ZGRF1: variants seen among roughly 807,000 people sequenced by gnomAD.
The protein encoded by ZGRF1 is 5'-3' DNA helicase ZGRF1.
ZGRF1 carries 196 observed loss-of-function variants against 203.5 expected under a neutral mutation model. That is an observed-to-expected ratio of 0.96 (90% CI 0.86 to 1.08). The LOEUF (loss-of-function observed/expected upper bound fraction) is 1.08, where lower values mean the gene tolerates loss of function less well. ZGRF1 is among the 50% of genes least tolerant of loss of function. The pLI, the probability that ZGRF1 is intolerant of heterozygous loss-of-function variation, is 0.00. For synonymous variants in ZGRF1, 809 were observed against 841.3 expected, an observed-to-expected ratio of 0.96 and a Z score of 0.66; for missense variants, 2,326 against 2,416.3, an observed-to-expected ratio of 0.96 and a Z score of 0.78.
chr4:112,551,056 G>A (rs982478842), intron 22 of ZGRF1, among the ~76,000 whole-genome samples: 2 of 152,042 alleles, frequency 1.3e-5, no homozygotes, highest in Non-Finnish European at 2.9e-5. Context: ...AAACTTTGTG[G>A]TTATTATTTC....
chr4:112,542,027 C>T (rs985106293), intron 24 of ZGRF1, among the ~76,000 whole-genome samples: 3 of 152,114 alleles, frequency 2.0e-5, no homozygotes, highest in Non-Finnish European at 2.9e-5. Flanking sequence ...TAACGCTCTT[C>T]GAGCAAAAAG....
intron 10 of ZGRF1, among the ~76,000 whole-genome samples, chr4:112,598,416 C>T (rs1425533751): frequency 1.3e-5 from 2 of 152,052 alleles, no homozygotes; most frequent in Non-Finnish European, 2.9e-5. Context: ...TACCAATTGG[C>T]TCAGCAGTGA....
At chr4:112,570,522 T>C (rs1744009710) in intron 16 of ZGRF1, among the ~76,000 whole-genome samples, 1 of 151,956 alleles carries the variant, frequency 6.6e-6, no homozygotes, top group Non-Finnish European at 1.5e-5. Flanking sequence ...GAGACACAGG[T>C]TGCAGTGAGC....
At chr4:112,539,761 C>T in intron 27 of ZGRF1, 72 bp from the exon 28 acceptor site, 10 of 1,558,102 alleles carry the variant, frequency 6.4e-6, no homozygotes, top group South Asian at 1.2e-5. Flanking sequence ...ATGTCAGTTA[C>T]TTCCCCCAGC....
chr4:112,628,200 T>C lies in ZGRF1; in HGVS notation c.102+3730A>G, dbSNP rs555831081. Among the ~76,000 whole-genome samples the C allele has an allele frequency of 3.3e-5, 5 of 152,304 alleles. No individual in the cohort carries two copies. In the South Asian group the frequency reaches 1.0e-3, roughly 32 times the overall value. ...GAAGACAAGAATTCTAATAACAAAC[T>C]ACCATTCATTGCGTGCTCAGGATGT... On this transcript the variant is annotated intron_variant, in intron 3 of 27. Coordinates refer to ENST00000505019, the MANE Select transcript of ZGRF1 (RefSeq NM_018392.5).
intron 27 of ZGRF1, 73 bp from the exon 28 acceptor site, chr4:112,539,762 T>C: frequency 6.4e-7 from 1 of 1,559,114 alleles, no homozygotes. Context: ...TGTCAGTTAC[T>C]TCCCCCAGCA....
At chr4:112,553,423 T>G (rs1039827233) in intron 22 of ZGRF1, among the ~76,000 whole-genome samples, 1 of 152,238 alleles carries the variant, frequency 6.6e-6, no homozygotes, top group Non-Finnish European at 1.5e-5. Context: ...TTGGCTTTCT[T>G]GGAGAGCATC....
Position 112,609,335 on chromosome 4 carries a change from G to A in ZGRF1, c.2718+44C>T, listed in dbSNP as rs772307055. The stretch of plus-strand genomic sequence containing the variant: ...CCCAAAGTGCTGGGATTACAGGCAT[G>A]AGCCACCATGCCCAGGGGCTAATTT... On this transcript the variant is annotated intron_variant, in intron 8 of 27. Transcript: ENST00000505019. 63 of 1,142,712 alleles carry A rather than the reference G, an allele frequency of 5.5e-5. No homozygotes were observed. In the East Asian group the frequency reaches 1.6e-3, roughly 29 times the overall value. The allele number at this position is 1,142,712 out of a possible 1,614,324, so 70.8% of individuals were successfully genotyped here.
chr4:112,632,076 T>C, intron 2 of ZGRF1, 66 bp from the exon 3 acceptor site: 1 of 693,362 alleles, frequency 1.4e-6, no homozygotes, highest in Non-Finnish European at 2.2e-6. Flanking sequence ...GTATTTTATA[T>C]ATCCTTCCTA....
intron 4 of ZGRF1, among the ~76,000 whole-genome samples, chr4:112,622,041 A>C (rs1047293581): frequency 4.0e-5 from 6 of 151,858 alleles, no homozygotes; most frequent in Admixed American, 3.9e-4. Flanking sequence ...AATGATTTTT[A>C]AGATGAAATA....
rs933850237 is a variant in ZGRF1 at position 112,614,243 on chromosome 4, T to G, written c.2603-1655A>C. Among the ~76,000 whole-genome samples the G allele has an allele frequency of 3.3e-5, 5 of 152,220 alleles. No homozygotes were observed. In the East Asian group the frequency reaches 9.6e-4, roughly 29 times the overall value. On this transcript the variant is annotated intron_variant, in intron 6 of 27. Transcript: ENST00000505019. The stretch of plus-strand genomic sequence containing the variant: ...GTCTCAAGCAACCAACTTAATCCTT[T>G]TTAGAGAAATATATTTGTATCAAAA...
chr4:112,621,609 C>T (rs1336902846), intron 4 of ZGRF1, among the ~76,000 whole-genome samples: 1 of 147,882 alleles, frequency 6.8e-6, no homozygotes, highest in Non-Finnish European at 1.5e-5. Flanking sequence ...GGTGAGATCG[C>T]GCTATTGCAC....
At chr4:112,545,198 G>A (rs1738508707) in intron 24 of ZGRF1, among the ~76,000 whole-genome samples, 1 of 149,106 alleles carries the variant, frequency 6.7e-6, no homozygotes, top group Admixed American at 6.7e-5. Context: ...AAAGTGAAAA[G>A]ACAACCAACA....
intron 15 of ZGRF1, among the ~76,000 whole-genome samples, chr4:112,583,466 T>C (rs1366259647): frequency 1.3e-5 from 2 of 152,206 alleles, no homozygotes; most frequent in Non-Finnish European, 2.9e-5. Context: ...TATCCTGATA[T>C]TGCTGACATT....
At chr4:112,620,757 G>C (rs1012142939) in intron 4 of ZGRF1, among the ~76,000 whole-genome samples, 1 of 151,344 alleles carries the variant, frequency 6.6e-6, no homozygotes, top group Non-Finnish European at 1.5e-5. Flanking sequence ...CAGCTATTTG[G>C]GGGGAATGAG....
In ZGRF1 at chr4:112,556,136, T is replaced by A. The variant is rs559543523; in HGVS notation, c.5121-1354A>T. Reference sequence around the variant, plus strand: ...CTTTTAAATTGCTTATAAGAGTGTGTACTGGAAGAATCTTTCTGAAGGGAA... The same window carrying A: ...CTTTTAAATTGCTTATAAGAGTGTGAACTGGAAGAATCTTTCTGAAGGGAA... On this transcript the variant is annotated intron_variant, in intron 20 of 27. Transcript: ENST00000505019. Among the ~76,000 whole-genome samples, 3 of 152,192 alleles carry A rather than the reference T, an allele frequency of 2.0e-5. No homozygotes were observed. In the South Asian group the frequency reaches 6.2e-4, roughly 32 times the overall value.
In ZGRF1 at chr4:112,619,553, A is replaced by T. The variant is rs775193684; in HGVS notation, c.489T>A (p.Thr163=). The T allele has an allele frequency of 6.2e-7, 1 of 1,614,150 alleles. No individual in the cohort carries two copies. The highest frequency in any genetic ancestry group is 1.7e-5 in the Admixed American group (1 of 60,014). Residue 163 remains threonine (T), a synonymous_variant, in exon 6 of 28, where the codon ACT becomes ACA. Transcript: ENST00000505019. ...TATTATTTACATCTTTCTTGCCAAC[A>T]GTAGGAAACAAAGGAGGCATGCTGC... ...PFCSMPPLFP[T]VGKKDVNNIL... is the part of the protein sequence containing the mutation.
chr4:112,626,632 C>A (rs1361567281), intron 3 of ZGRF1, among the ~76,000 whole-genome samples: 3 of 151,982 alleles, frequency 2.0e-5, no homozygotes, highest in Admixed American at 2.0e-4. Flanking sequence ...ACTCGGATGC[C>A]CAAAAAATAT....
intron 15 of ZGRF1, among the ~76,000 whole-genome samples, chr4:112,582,388 T>C (rs192122508): frequency 6.2e-4 from 94 of 152,074 alleles, no homozygotes; most frequent in African/African-American, 1.7e-3. Context: ...CTTACTTCCA[T>C]GAGATCTGCT....
Sources: gnomAD v4.1 joint callset for allele counts (sites outside exome capture counted in the v4.1 genomes callset) on GRCh38, gnomAD v4.1.1 for gene constraint, MANE v1.5 for transcripts, NCBI Gene and HGNC (gene_info 2026-07-23, HGNC 2026-07-21) for gene names.